CHODL: variants seen among roughly 807,000 people sequenced by gnomAD.
CHODL encodes the protein chondrolectin.
CHODL carries 29 observed loss-of-function variants against 34.5 expected under a neutral mutation model. That is an observed-to-expected ratio of 0.84 (90% CI 0.63 to 1.15). The LOEUF is 1.15. Among genes scored for constraint, CHODL ranks in the 50% most tolerant of loss-of-function variants. The probability of loss-of-function intolerance (pLI) is 0.00; values close to 1 mark genes in which losing one functional copy is unlikely to be tolerated. For missense variants in CHODL, 332 were observed against 332.5 expected (o/e 1.00, Z 0.01); for synonymous variants, 125 against 116.1 (o/e 1.08, Z -0.49).
chr21:18,110,992 A>C (rs984466966), intron 2 of CHODL, among the ~76,000 whole-genome samples: 29 of 152,208 alleles, frequency 1.9e-4, no homozygotes, highest in Admixed American at 1.9e-3. Flanking sequence ...CATGTGAAAG[A>C]AAGTGCTGTA....
At chr21:18,002,626 C>T (rs1159085121) in intron 1 of CHODL, among the ~76,000 whole-genome samples, 1 of 152,070 alleles carries the variant, frequency 6.6e-6, no homozygotes, top group African/African-American at 2.4e-5. Context: ...GTTTAGCCCT[C>T]AGGAGTACAT....
intron 1 of CHODL, among the ~76,000 whole-genome samples, chr21:17,945,782 A>G (rs998323044): frequency 6.6e-6 from 1 of 152,216 alleles, no homozygotes; most frequent in South Asian, 2.1e-4. Flanking sequence ...TTCAAAGAGG[A>G]GTATACTAAG....
intron 1 of CHODL, among the ~76,000 whole-genome samples, chr21:17,938,842 CAT>C (rs973513809): frequency 7.2e-5 from 11 of 152,112 alleles, no homozygotes; most frequent in African/African-American, 2.2e-4. Flanking sequence ...GGCATACAAA[CAT>C]GTGGGCACTT....
intron 2 of CHODL, among the ~76,000 whole-genome samples, chr21:18,079,713 C>T (rs1269244472): frequency 6.7e-6 from 1 of 149,106 alleles, no homozygotes; most frequent in Non-Finnish European, 1.5e-5. Flanking sequence ...CTGTGACAAA[C>T]CATACAAGGG....
At chr21:17,983,172 A>G (rs922533169) in intron 1 of CHODL, among the ~76,000 whole-genome samples, 13 of 152,326 alleles carry the variant, frequency 8.5e-5, no homozygotes, top group African/African-American at 2.9e-4. Flanking sequence ...TCTAACCTCA[A>G]ATATGTCATA....
At chr21:18,033,461 C>A (rs774524276) in intron 2 of CHODL, among the ~76,000 whole-genome samples, 4 of 151,984 alleles carry the variant, frequency 2.6e-5, no homozygotes, top group Admixed American at 6.6e-5. Flanking sequence ...TGATTCCTCC[C>A]ATAGCATCCT....
chr21:18,245,081 A>G lies in CHODL; in HGVS notation c.-143A>G. ...GGTCCCGGCCGAAGGCGATGCGCGC[A>G]GGGGGTCGGGCAGCTGGGCTCGGGC... On this transcript the variant is annotated 5_prime_UTR_variant, in exon 1 of 6. Coordinates refer to ENST00000299295, the MANE Select transcript of CHODL (RefSeq NM_024944.3). 4.8e-6 allele frequency: 3 copies of G among 631,140 alleles called. No individual in the cohort carries two copies. The highest frequency in any genetic ancestry group is 7.4e-6 in the Non-Finnish European group (3 of 405,690). 39.1% of individuals were successfully genotyped at this position (631,140 alleles called of 1,614,324 possible).
intron 2 of CHODL, among the ~76,000 whole-genome samples, chr21:18,181,821 C>A (rs1470943330): frequency 6.6e-6 from 1 of 152,196 alleles, no homozygotes; most frequent in East Asian, 1.9e-4. Flanking sequence ...TGACTTCTTT[C>A]ACTTAGGCTA....
At chr21:17,946,137 G>T (rs1358887629) in intron 1 of CHODL, among the ~76,000 whole-genome samples, 2 of 152,194 alleles carry the variant, frequency 1.3e-5, no homozygotes, top group Non-Finnish European at 2.9e-5. Context: ...GAGATTCTAG[G>T]TTGGGCGCGG....
chr21:17,950,537 T>TACACACACACACAC (rs1568813369), intron 1 of CHODL, among the ~76,000 whole-genome samples: 100 of 43,982 alleles, frequency 2.3e-3, no homozygotes, highest in African/African-American at 8.0e-3. Context: ...CACACACACT[T>TACACACACACACAC]CTTTAAAGCC....
intron 1 of CHODL, among the ~76,000 whole-genome samples, chr21:18,005,987 G>A (rs1030449145): frequency 3.3e-5 from 5 of 152,188 alleles, no homozygotes; most frequent in African/African-American, 1.2e-4. Flanking sequence ...TTATGGGGGC[G>A]GGTCTTTCCT....
At chr21:17,999,744 C>G (rs564177549) in intron 1 of CHODL, among the ~76,000 whole-genome samples, 1 of 152,268 alleles carries the variant, frequency 6.6e-6, no homozygotes, top group Admixed American at 6.5e-5. Flanking sequence ...GGGTCCCTCC[C>G]ACAACACATG....
At chr21:18,079,501 G>A (rs1023191068) in intron 2 of CHODL, among the ~76,000 whole-genome samples, 1 of 146,268 alleles carries the variant, frequency 6.8e-6, no homozygotes, top group Non-Finnish European at 1.5e-5. Context: ...TAGAATATAT[G>A]TATCACACAT....
chr21:18,022,257 TG>T (rs1255084776), intron 1 of CHODL: 4 of 152,236 alleles, frequency 2.6e-5, no homozygotes, highest in African/African-American at 7.2e-5. Context: ...TTTCGGCTTC[TG>T]CTAGCTACAG....
rs147155710 is a variant in CHODL at position 17,926,719 on chromosome 21, T to C, written c.-145+9319T>C. On this transcript the variant is annotated intron_variant, in intron 1 of 6. Coordinates refer to the CHODL transcript ENST00000400127. ...GGTCCCGCCCTTGACACGTGGATTA[T>C]AGGGATTACAATTCAAGATGAGATT... 8.0e-3 allele frequency among the ~76,000 whole-genome samples: 1,224 copies of C among 152,218 alleles called. 21 individuals carry two copies. The highest frequency in any genetic ancestry group is 0.027 in the African/African-American group (1,134 of 41,534).
chr21:17,990,838 A>G (rs1337476847), intron 1 of CHODL, among the ~76,000 whole-genome samples: 1 of 152,144 alleles, frequency 6.6e-6, no homozygotes, highest in Non-Finnish European at 1.5e-5. Flanking sequence ...TGACTCTTCC[A>G]GCTATTTTGA....
chr21:18,135,941 T>C (rs2146601684), intron 2 of CHODL, among the ~76,000 whole-genome samples: 1 of 151,824 alleles, frequency 6.6e-6, no homozygotes, highest in East Asian at 1.9e-4. Context: ...ACCCCGTCTC[T>C]ACTAAAAACA....
chr21:18,247,286 C>G (rs1250718806), intron 1 of CHODL, among the ~76,000 whole-genome samples: 1 of 151,972 alleles, frequency 6.6e-6, no homozygotes, highest in Non-Finnish European at 1.5e-5. Context: ...GAGTAAGAGC[C>G]TCTTTGGGGC....
intron 2 of CHODL, among the ~76,000 whole-genome samples, chr21:18,086,503 A>AT (rs2065009441): frequency 6.6e-6 from 1 of 151,896 alleles, no homozygotes; most frequent in Non-Finnish European, 1.5e-5. Context: ...GTAGGGCAGA[A>AT]TTTTTTCCTG....
Sources: allele counts gnomAD v4.1 joint callset (sites outside exome capture counted in the v4.1 genomes callset), GRCh38; gene constraint gnomAD v4.1.1; transcripts MANE v1.5; gene names NCBI Gene and HGNC (gene_info 2026-07-23, HGNC 2026-07-21).